Variants in TBC1D22A observed in about 807,000 individuals in gnomAD.
TBC1D22A encodes the protein TBC1 domain family member 22A, also known as putative GTPase activator.
Under a neutral mutation model 60.2 loss-of-function variants are expected in TBC1D22A, and 38 were observed. That is an observed-to-expected ratio of 0.63 (90% CI 0.49 to 0.83). The LOEUF is 0.83. TBC1D22A is among the 40% of genes least tolerant of loss of function. TBC1D22A has a pLI of 0.00. For missense variants in TBC1D22A, 628 were observed against 701.0 expected, an observed-to-expected ratio of 0.90 and a Z score of 1.18; for synonymous variants, 302 against 281.7, an observed-to-expected ratio of 1.07 and a Z score of -0.72.
intron 4 of TBC1D22A, among the ~76,000 whole-genome samples, chr22:46,815,450 T>A (rs1288561665): frequency 6.6e-6 from 1 of 152,268 alleles, no homozygotes; most frequent in African/African-American, 2.4e-5. Context: ...GTTTTCTCGC[T>A]CAGAGTACGC....
intron 12 of TBC1D22A, among the ~76,000 whole-genome samples, chr22:47,158,721 A>G (rs1215206215): frequency 6.6e-6 from 1 of 152,120 alleles, no homozygotes; most frequent in African/African-American, 2.4e-5. Flanking sequence ...GTCCTGTGGA[A>G]GGGACAGGGC....
intron 9 of TBC1D22A, among the ~76,000 whole-genome samples, chr22:46,981,677 C>T (rs1300519166): frequency 6.6e-6 from 1 of 152,218 alleles, no homozygotes; most frequent in African/African-American, 2.4e-5. Context: ...CTTTGTCTTC[C>T]ACCATGATTC....
At chr22:46,989,759 T>TCACACACACACACACACACACA (rs35714390) in intron 9 of TBC1D22A, among the ~76,000 whole-genome samples, 13 of 146,068 alleles carry the variant, frequency 8.9e-5, no homozygotes, top group African/African-American at 3.3e-4. Flanking sequence ...TGTGACAGAG[T>TCACACACACACACACACACACA]CACACACACA....
At chr22:46,819,978 A>G (rs1157976794) in intron 4 of TBC1D22A, among the ~76,000 whole-genome samples, 1 of 152,156 alleles carries the variant, frequency 6.6e-6, no homozygotes, top group Non-Finnish European at 1.5e-5. Flanking sequence ...GGGTATATGC[A>G]TCTAGGAATT....
At chr22:47,024,038 G>A (rs1007768219) in intron 10 of TBC1D22A, among the ~76,000 whole-genome samples, 16 of 152,214 alleles carry the variant, frequency 1.1e-4, no homozygotes, top group Non-Finnish European at 1.8e-4. Flanking sequence ...ACATGCCGCG[G>A]TGCGATGAAG....
At position 47,063,714 on chromosome 22, in the gene TBC1D22A, T is replaced by C. The variant is rs537476695; in HGVS notation, c.1329+26516T>C. On this transcript the variant is annotated intron_variant, in intron 11 of 12. Transcript: ENST00000337137. Reference sequence around the variant, plus strand: ...GCTTATAGGCCTGAGAGTTCTGGAATTGGGGTGTGGGCAGGGCTGGTTCGC... The same window carrying C: ...GCTTATAGGCCTGAGAGTTCTGGAACTGGGGTGTGGGCAGGGCTGGTTCGC... Among the ~76,000 whole-genome samples the C allele has an allele frequency of 2.0e-4, 31 of 152,250 alleles. No individual in the cohort carries two copies. In the South Asian group the frequency reaches 6.2e-3, roughly 31 times the overall value.
chr22:47,112,864 C>T (rs181269341), intron 12 of TBC1D22A, among the ~76,000 whole-genome samples: 5 of 152,338 alleles, frequency 3.3e-5, no homozygotes, highest in East Asian at 1.9e-4. Context: ...CCTGCCCCTC[C>T]GCCCGGCTGA....
chr22:46,774,367 A>G (rs927997259), intron 1 of TBC1D22A: 30 of 533,290 alleles, frequency 5.6e-5, no homozygotes, highest in Non-Finnish European at 6.5e-5. Flanking sequence ...GGGAACTTTC[A>G]TTTTGAGTAT....
At chr22:46,786,319 G>C (rs899457475) in intron 1 of TBC1D22A, among the ~76,000 whole-genome samples, 4 of 152,120 alleles carry the variant, frequency 2.6e-5, no homozygotes, top group Non-Finnish European at 4.4e-5. Context: ...TGCACTAATT[G>C]ATTTTTGGTT....
rs1302219510 is a variant in TBC1D22A at position 47,034,968 on chromosome 22, G to A, written c.1202-2103G>A. On this transcript the variant is annotated intron_variant, in intron 10 of 12. Transcript: ENST00000337137. ...GCTCCCTGAGTCCTGAGGCACCAGC[G>A]TTCCCAGCCACTCGTCCACCCAAAT... Among the ~76,000 whole-genome samples, 9 of 152,112 alleles carry A rather than the reference G, an allele frequency of 5.9e-5. No homozygotes were observed. The South Asian group carries it at 6.2e-4, about 11-fold the overall frequency.
chr22:46,766,832 G>C (rs1009199786), intron 1 of TBC1D22A, among the ~76,000 whole-genome samples: 10 of 152,172 alleles, frequency 6.6e-5, no homozygotes, highest in African/African-American at 2.4e-4. Context: ...CACCGTGCCC[G>C]GCCCACACCT....
In TBC1D22A at chr22:46,912,160, C is replaced by T; in HGVS notation, c.987C>T (p.Phe329=). 1 of 1,613,680 alleles carries T rather than the reference C, an allele frequency of 6.2e-7. No homozygotes were observed. The highest frequency in any genetic ancestry group is 8.5e-7 in the Non-Finnish European group (1 of 1,179,846). ...GTATAAATGATCTCGTCACTCCTTTCTTTGTGGTCTTCATTTGTGAATACA... is the reference window on the plus strand; with the variant it reads ...GTATAAATGATCTCGTCACTCCTTTTTTTGTGGTCTTCATTTGTGAATACA... The part of the protein sequence containing the change: ...VQGINDLVTP[F]FVVFICEYIE... Residue 329 remains phenylalanine, a synonymous_variant, in exon 8 of 13, where the codon TTC becomes TTT. Coordinates refer to ENST00000337137, the MANE Select transcript of TBC1D22A (RefSeq NM_014346.5).
At chr22:46,979,652 CT>C (rs1341476011) in intron 9 of TBC1D22A, among the ~76,000 whole-genome samples, 1 of 152,176 alleles carries the variant, frequency 6.6e-6, no homozygotes, top group Non-Finnish European at 1.5e-5. Flanking sequence ...GTGAAACAGC[CT>C]TTTGCTTTCA....
intron 8 of TBC1D22A, among the ~76,000 whole-genome samples, chr22:46,932,461 G>T (rs1167571162): frequency 2.0e-5 from 3 of 152,210 alleles, no homozygotes; most frequent in Admixed American, 2.0e-4. Context: ...AGTGACAGTG[G>T]TGTGTAGGGT....
At chr22:46,829,175 T>A (rs1178448648) in intron 4 of TBC1D22A, among the ~76,000 whole-genome samples, 1 of 152,232 alleles carries the variant, frequency 6.6e-6, no homozygotes, top group African/African-American at 2.4e-5. Flanking sequence ...GACTCTTCTC[T>A]CTGTCCTTAC....
At chr22:47,100,004 G>C (rs1297358607) in intron 11 of TBC1D22A, among the ~76,000 whole-genome samples, 1 of 152,218 alleles carries the variant, frequency 6.6e-6, no homozygotes, top group Non-Finnish European at 1.5e-5. Context: ...TGTGGACTGG[G>C]CTGCAGGCCT....
At chr22:47,055,138 G>T (rs1603194562) in intron 11 of TBC1D22A, among the ~76,000 whole-genome samples, 2 of 152,228 alleles carry the variant, frequency 1.3e-5, no homozygotes, top group Admixed American at 6.5e-5. Flanking sequence ...GGGATGTTGG[G>T]GTCTACCCCA....
chr22:46,906,459 C>T (rs2147740330), intron 7 of TBC1D22A, among the ~76,000 whole-genome samples: 1 of 152,334 alleles, frequency 6.6e-6, no homozygotes, highest in Non-Finnish European at 1.5e-5. Flanking sequence ...TGGGCCTGAA[C>T]ACAGCTTGCA....
chr22:47,163,390 C>G (rs1170329942), intron 12 of TBC1D22A, among the ~76,000 whole-genome samples: 1 of 152,238 alleles, frequency 6.6e-6, no homozygotes, highest in Non-Finnish European at 1.5e-5. Context: ...CCTTTAAATG[C>G]CATTCTTAGG....
Sources: gnomAD v4.1 joint callset for allele counts (sites outside exome capture counted in the v4.1 genomes callset) on GRCh38, gnomAD v4.1.1 for gene constraint, MANE v1.5 for transcripts, NCBI Gene and HGNC (gene_info 2026-07-23, HGNC 2026-07-21) for gene names.